Variants in LUC7L3 observed in about 807,000 individuals in gnomAD.
The protein encoded by LUC7L3 is LUC7 like 3 pre-mRNA splicing factor.
In LUC7L3, 6 loss-of-function variants were observed where a neutral mutation model predicts 66.8. The ratio of observed to expected loss-of-function variants is 0.09; its 90% CI spans 0.05 to 0.18. The LOEUF is 0.18. Ranked by LOEUF, LUC7L3 falls within the 10% of genes least tolerant of loss-of-function variation. LUC7L3 has a pLI of 1.00. For synonymous variants in LUC7L3, 160 were observed against 174.7 expected, an observed-to-expected ratio of 0.92 and a Z score of 0.66; for missense variants, 341 against 531.1, an observed-to-expected ratio of 0.64 and a Z score of 3.52.
In LUC7L3 at chr17:50,719,607, T is replaced by G. The variant is rs1567850685; in HGVS notation, c.-126T>G. 3 of 710,040 alleles carry G rather than the reference T, an allele frequency of 4.2e-6. No homozygotes were observed. The highest frequency in any genetic ancestry group is 3.9e-5 in the South Asian group (2 of 51,476). The allele number at this position is 710,040 out of a possible 1,614,324, so 44.0% of individuals were successfully genotyped here. ...CGTCCGCGCGGCGGCCATTTTGTCT[T>G]GTCGGCTCCTGTGTGTAGGAGGGAT... On this transcript the variant is annotated 5_prime_UTR_variant, in exon 1 of 10. Transcript: ENST00000505658.
intron 5 of LUC7L3, among the ~76,000 whole-genome samples, chr17:50,742,376 T>A (rs1970404607): frequency 6.6e-6 from 1 of 152,158 alleles, no homozygotes; most frequent in Non-Finnish European, 1.5e-5. Context: ...TGTTACTGTT[T>A]TTTTGACAGT....
chr17:50,723,490 T>G (rs1243023179), intron 1 of LUC7L3: 1 of 152,454 alleles, frequency 6.6e-6, no homozygotes, highest in Non-Finnish European at 1.5e-5. Flanking sequence ...GTTCAGAATT[T>G]GGGAGCAAAA....
chr17:50,741,555 C>G, intron 4 of LUC7L3, 102 bp from the exon 5 acceptor site: 1 of 671,590 alleles, frequency 1.5e-6, no homozygotes, highest in South Asian at 2.2e-5. Context: ...TTCAATTAAG[C>G]ATTTTAATTA....
intron 9 of LUC7L3, chr17:50,749,464 A>T: frequency 1.1e-6 from 1 of 877,014 alleles, no homozygotes; most frequent in South Asian, 1.9e-5. Context: ...TACGGACTAA[A>T]TATGCTCTTT....
At chr17:50,749,928 T>A (rs926694390) in intron 9 of LUC7L3, among the ~76,000 whole-genome samples, 1 of 152,252 alleles carries the variant, frequency 6.6e-6, no homozygotes, top group African/African-American at 2.4e-5. Flanking sequence ...TATATTACTT[T>A]TCTTAGCAAA....
intron 2 of LUC7L3, chr17:50,738,079 T>C (rs1261006586): frequency 7.0e-6 from 3 of 427,684 alleles, no homozygotes; most frequent in African/African-American, 4.1e-5. Flanking sequence ...ATATTTTTAT[T>C]GGTGGGGCTC....
rs142074157 is a variant in LUC7L3, at chr17:50,737,678, C to A, written c.166+652C>A. Among the ~76,000 whole-genome samples the A allele has an allele frequency of 1.6e-4, 24 of 152,202 alleles. No homozygotes were observed. In the East Asian group the frequency reaches 4.3e-3, roughly 27 times the overall value. On this transcript the variant is annotated intron_variant, in intron 2 of 9. Transcript: ENST00000505658. ...ACCAGTAGCACCCCCTGTTGTGACA[C>A]CCCAAAATGTCTTCAGACATTGCCA...
At chr17:50,746,857 T>C (rs1410475057) in intron 9 of LUC7L3, among the ~76,000 whole-genome samples, 155 bp downstream of exon 9, 1 of 152,224 alleles carries the variant, frequency 6.6e-6, no homozygotes, top group Non-Finnish European at 1.5e-5. Context: ...TCTTTCCCCC[T>C]CTCCTACTTA....
chr17:50,719,741 G>A lies in LUC7L3; in HGVS notation c.9G>A (p.Ser3=). 4 of 1,611,696 alleles carry A rather than the reference G, an allele frequency of 2.5e-6. No individual in the cohort carries two copies. The highest frequency in any genetic ancestry group is 2.5e-6 in the Non-Finnish European group (3 of 1,179,000). The change falls in exon 1 of 10, where the codon TCG becomes TCA. Residue 3 remains serine (S), a synonymous_variant. Transcript: ENST00000505658. Reference sequence around the variant, plus strand: ...CGCCCGAAGGAAGCACCATGATTTCGGCCGCGCAGTTGTTGGATGAGTTAA... The same window carrying A: ...CGCCCGAAGGAAGCACCATGATTTCAGCCGCGCAGTTGTTGGATGAGTTAA... The part of the protein sequence containing the change: MI[S]AAQLLDELMG...
chr17:50,720,907 G>A (rs1968703323), intron 1 of LUC7L3, among the ~76,000 whole-genome samples: 1 of 152,168 alleles, frequency 6.6e-6, no homozygotes, highest in Non-Finnish European at 1.5e-5. Flanking sequence ...TTGTGTTGGG[G>A]TGCTAACTGA....
chr17:50,721,085 C>G (rs916505738), intron 1 of LUC7L3, among the ~76,000 whole-genome samples: 1 of 151,700 alleles, frequency 6.6e-6, no homozygotes, highest in African/African-American at 2.4e-5. Context: ...TTTGTTATAG[C>G]GAAGTAACTT....
chr17:50,739,730 G>A (rs1156882594), intron 2 of LUC7L3, among the ~76,000 whole-genome samples: 2 of 152,158 alleles, frequency 1.3e-5, no homozygotes, highest in Non-Finnish European at 2.9e-5. Context: ...TGGCCTGACA[G>A]TGAATAGTAC....
intron 9 of LUC7L3, among the ~76,000 whole-genome samples, chr17:50,750,265 C>A (rs558420805): frequency 6.6e-6 from 1 of 152,134 alleles, no homozygotes; most frequent in South Asian, 2.1e-4. Flanking sequence ...TTAATAGCTT[C>A]TCACCAATTG....
chr17:50,741,289 C>G, intron 4 of LUC7L3, 43 bp downstream of exon 4: 2 of 1,586,860 alleles, frequency 1.3e-6, no homozygotes, highest in Non-Finnish European at 1.7e-6. Context: ...TCCTTGTTTT[C>G]TGGAGATTCA....
At chr17:50,730,388 G>A (rs375861373) in intron 1 of LUC7L3, among the ~76,000 whole-genome samples, 35 of 152,016 alleles carry the variant, frequency 2.3e-4, no homozygotes, top group African/African-American at 7.5e-4. Flanking sequence ...AGGCATGGTG[G>A]CAGTTGCCCA....
chr17:50,741,118 C>A lies in LUC7L3; in HGVS notation c.223C>A (p.Arg75Ser). ...TGTTACCAGGTATGAGAAGAGCTCT[C>A]GTTTCATGAAAGTTGGCTATGAGAG... ...NLRKQYEKSS[R>S]FMKVGYERDF... The change falls in exon 4 of 10, where the codon CGT becomes AGT. Residue 75 changes from arginine to serine, a missense_variant. Around this residue, in one of 6 missense-constraint regions of LUC7L3, gnomAD observed 86 missense variants for 172.0 expected, o/e 0.50. Transcript: ENST00000505658. The A allele has an allele frequency of 1.2e-6, 2 of 1,614,066 alleles. No homozygotes were observed. Among genetic ancestry groups the A allele is most frequent in the Non-Finnish European group, 1.7e-6 (2 of 1,179,958 alleles).
intron 1 of LUC7L3, among the ~76,000 whole-genome samples, chr17:50,720,640 A>T (rs1180600471): frequency 6.6e-6 from 1 of 152,236 alleles, no homozygotes; most frequent in South Asian, 2.1e-4. Flanking sequence ...TGTTTACTTT[A>T]GGTCTTATCT....
At chr17:50,722,572 T>A (rs892508898) in intron 1 of LUC7L3, 1 of 152,196 alleles carries the variant, frequency 6.6e-6, no homozygotes, top group African/African-American at 2.4e-5. Context: ...CTTTTAATTG[T>A]GCATATCTGC....
At chr17:50,735,246 G>GAA (rs373882860) in intron 1 of LUC7L3, among the ~76,000 whole-genome samples, 9 of 54,192 alleles carry the variant, frequency 1.7e-4, no homozygotes, top group African/African-American at 3.2e-4. Context: ...AAAAAAAAAA[G>GAA]AAAAAAAAAA....
Sources: gnomAD v4.1 joint callset for allele counts (sites outside exome capture counted in the v4.1 genomes callset) on GRCh38, gnomAD v4.1.1 for gene constraint, gnomAD v4.1.1 regional missense constraint, MANE v1.5 for transcripts, NCBI Gene and HGNC (gene_info 2026-07-23, HGNC 2026-07-21) for gene names.